The following PAK5 variants were observed in gnomAD, a reference collection of about 807,000 sequenced individuals.
The protein encoded by PAK5 is p21 (RAC1) activated kinase 5.
A neutral mutation model predicts 65.9 loss-of-function variants in PAK5; 16 were observed. The observed-to-expected ratio is 0.24, with a 90% CI of 0.16 to 0.37. PAK5 has a LOEUF of 0.37. Among genes scored for constraint, PAK5 ranks in the 10% least tolerant of loss-of-function variants. The pLI is 1.00. For synonymous variants in PAK5, 371 were observed against 354.9 expected, an observed-to-expected ratio of 1.05 and a Z score of -0.51; for missense variants, 785 against 903.9, an observed-to-expected ratio of 0.87 and a Z score of 1.69.
chr20:9,540,295 C>G (rs1043044134), intron 9 of PAK5, among the ~76,000 whole-genome samples: 8 of 152,112 alleles, frequency 5.3e-5, no homozygotes, highest in Non-Finnish European at 7.4e-5. Flanking sequence ...ATACATTTAC[C>G]CCTATTTACT....
At chr20:9,579,851 T>C (rs1363865120) in intron 4 of PAK5, among the ~76,000 whole-genome samples, 3 of 152,202 alleles carry the variant, frequency 2.0e-5, no homozygotes, top group Non-Finnish European at 4.4e-5. Context: ...TCACATCATA[T>C]TTATCACTCA....
intron 2 of PAK5, among the ~76,000 whole-genome samples, chr20:9,706,002 C>A (rs368154434): frequency 1.3e-5 from 2 of 152,052 alleles, no homozygotes; most frequent in African/African-American, 4.8e-5. Flanking sequence ...ATGAAAGTGG[C>A]TAGGGAAAAC....
chr20:9,616,798 A>C (rs545831000), intron 3 of PAK5, among the ~76,000 whole-genome samples: 5 of 152,314 alleles, frequency 3.3e-5, no homozygotes, highest in Admixed American at 3.3e-4. Context: ...CTAAGGATAG[A>C]AGTCCAGGGG....
intron 2 of PAK5, among the ~76,000 whole-genome samples, chr20:9,645,712 G>C (rs1016261455): frequency 2.6e-5 from 4 of 152,060 alleles, no homozygotes; most frequent in African/African-American, 9.7e-5. Context: ...AGCCTCCCGA[G>C]TAGCTGGGAC....
intron 3 of PAK5, among the ~76,000 whole-genome samples, chr20:9,620,250 T>C (rs1386926903): frequency 6.6e-6 from 1 of 151,412 alleles, no homozygotes. Flanking sequence ...GACTCATCCC[T>C]GATTTATTCA....
At chr20:9,644,397 G>A (rs1023785397) in intron 2 of PAK5, 58 bp from the exon 3 acceptor site, 1 of 1,123,718 alleles carries the variant, frequency 8.9e-7, no homozygotes, top group Non-Finnish European at 1.3e-6. Context: ...AGAAGACCAG[G>A]AGAAAGCTAT....
At chr20:9,694,192 A>G in intron 2 of PAK5, among the ~76,000 whole-genome samples, 1 of 152,204 alleles carries the variant, frequency 6.6e-6, no homozygotes, top group East Asian at 1.9e-4. Flanking sequence ...ATCTTATTAT[A>G]TTAAAACAAT....
At chr20:9,793,512 T>A (rs2049072012) in intron 1 of PAK5, among the ~76,000 whole-genome samples, 2 of 151,862 alleles carry the variant, frequency 1.3e-5, no homozygotes, top group African/African-American at 4.8e-5. Context: ...CACTTTTTGA[T>A]GGGGTTGTTT....
At chr20:9,582,155 C>T (rs1411680056) in intron 3 of PAK5, among the ~76,000 whole-genome samples, 1 of 152,160 alleles carries the variant, frequency 6.6e-6, no homozygotes, top group African/African-American at 2.4e-5. Context: ...CATCCAGTTT[C>T]CCCTTGAGTT....
intron 2 of PAK5, among the ~76,000 whole-genome samples, chr20:9,670,658 A>G (rs1364080743): frequency 6.6e-6 from 1 of 152,182 alleles, no homozygotes; most frequent in Non-Finnish European, 1.5e-5. Flanking sequence ...CGTTCATTGT[A>G]GATTCTGGAT....
intron 1 of PAK5, among the ~76,000 whole-genome samples, chr20:9,829,166 A>T (rs1408495712): frequency 6.6e-6 from 1 of 152,256 alleles, no homozygotes. Flanking sequence ...TTGGTTTGGA[A>T]CATTCAGTTA....
chr20:9,565,487 A>C (rs917758303), intron 5 of PAK5, among the ~76,000 whole-genome samples: 2 of 152,222 alleles, frequency 1.3e-5, no homozygotes, highest in Admixed American at 6.5e-5. Context: ...AAATATATAC[A>C]TACTCATGTA....
intron 1 of PAK5, among the ~76,000 whole-genome samples, chr20:9,826,224 CACTG>C (rs2123781005): frequency 7.3e-6 from 1 of 137,052 alleles, no homozygotes; most frequent in East Asian, 2.1e-4. Context: ...GGAAATTTCA[CACTG>C]TCTGTGTTAA....
rs767481065 is a variant in PAK5, at chr20:9,566,260, T to C, written c.1115A>G (p.Gln372Arg). ...GGCTTTGTGGTACCCAGACGGGTAC[T>C]GGTGACTGCTTGAGGAATAGCCCGA... ...SKSGYSSSSH[Q>R]YPSGYHKATL... Residue 372 changes from glutamine (Q) to arginine (R), a missense_variant, in exon 5 of 10, where the codon CAG (glutamine) becomes CGG (arginine). By Grantham distance (43) the Gln-to-Arg change is conservative. Coordinates refer to ENST00000353224, the MANE Select transcript of PAK5 (RefSeq NM_177990.4). The C allele has an allele frequency of 2.4e-5, 38 of 1,613,828 alleles. No individual in the cohort carries two copies. The highest frequency in any genetic ancestry group is 3.1e-5 in the Non-Finnish European group (36 of 1,180,010).
In PAK5 at chr20:9,676,519, A is replaced by AT. The variant is rs1182173526; in HGVS notation, c.-11-32181dup. On this transcript the variant is annotated intron_variant, in intron 2 of 9. Coordinates refer to ENST00000353224, the MANE Select transcript of PAK5 (RefSeq NM_177990.4). ...GAACTGTGTGAATATTATTGATGTC[A>AT]TTTTTTAACAAACAGGAAAGAAAAC... Among the ~76,000 whole-genome samples, 3 of 148,740 alleles carry AT rather than the reference A, an allele frequency of 2.0e-5. No homozygotes were observed. The Admixed American group carries it at 2.1e-4, about 10-fold the overall frequency.
Position 9,825,627 on chromosome 20 carries a change from T to C in PAK5, c.-162+13135A>G, listed in dbSNP as rs6141052. Among the ~76,000 whole-genome samples, 133 of 152,320 alleles carry C rather than the reference T, an allele frequency of 8.7e-4. 4 individuals carry two copies. In the East Asian group the frequency reaches 0.025, roughly 28 times the overall value. On this transcript the variant is annotated intron_variant, in intron 1 of 9. Coordinates refer to ENST00000353224, the MANE Select transcript of PAK5 (RefSeq NM_177990.4). ...GAAATTTTAAAAAAATTGTCCAGTG[T>C]TGAAAGAAATTTTGAAAAAGTAGTT... is the stretch of plus-strand genomic sequence containing the variant.
chr20:9,595,290 A>G (rs2046243886), intron 3 of PAK5, among the ~76,000 whole-genome samples: 1 of 152,164 alleles, frequency 6.6e-6, no homozygotes, highest in African/African-American at 2.4e-5. Context: ...ATGCTCCTAG[A>G]ATGCATTCTG....
chr20:9,753,197 C>T (rs1296741656), intron 1 of PAK5, among the ~76,000 whole-genome samples: 1 of 152,020 alleles, frequency 6.6e-6, no homozygotes, highest in South Asian at 2.1e-4. Context: ...TTCTAAATTG[C>T]TAAATTTTGA....
At chr20:9,694,816 T>C (rs1367955400) in intron 2 of PAK5, among the ~76,000 whole-genome samples, 1 of 152,072 alleles carries the variant, frequency 6.6e-6, no homozygotes, top group African/African-American at 2.4e-5. Flanking sequence ...ACTTGGGTTG[T>C]TTCTAATTCA....
Sources: allele counts gnomAD v4.1 joint callset (sites outside exome capture counted in the v4.1 genomes callset), GRCh38; gene constraint gnomAD v4.1.1; transcripts MANE v1.5; gene names NCBI Gene and HGNC (gene_info 2026-07-23, HGNC 2026-07-21).